The following GMDS variants were observed in gnomAD, a reference collection of about 807,000 sequenced individuals.
The protein encoded by GMDS is GDP-mannose 4,6 dehydratase.
A neutral mutation model predicts 49.9 loss-of-function variants in GMDS; 20 were observed. The ratio of observed to expected loss-of-function variants is 0.40; its 90% CI spans 0.28 to 0.58. GMDS has a LOEUF of 0.58. GMDS is among the 20% of genes least tolerant of loss of function. The pLI is 0.42. For synonymous variants in GMDS, 177 were observed against 178.6 expected (o/e 0.99, Z 0.07); for missense variants, 362 against 481.4 (o/e 0.75, Z 2.32).
intron 4 of GMDS, among the ~76,000 whole-genome samples, chr6:2,080,946 C>T (rs894293628): frequency 1.8e-4 from 28 of 152,086 alleles, no homozygotes; most frequent in African/African-American, 6.3e-4. Context: ...TACAAGATCG[C>T]AATTTCATAT....
In GMDS at chr6:2,038,097, C is replaced by T. The variant is rs564584877; in HGVS notation, c.346-77131G>A. 1.8e-4 allele frequency among the ~76,000 whole-genome samples: 27 copies of T among 152,058 alleles called. 1 individual carries two copies. Among genetic ancestry groups the T allele is most frequent in the Non-Finnish European group, 3.8e-4 (26 of 68,026 alleles). ...TGGTGAAAAAACTAGCTCACCAAAGCGCCCTTATAAATTAAAGCCTGAAGT... is the reference window on the plus strand; with the variant it reads ...TGGTGAAAAAACTAGCTCACCAAAGTGCCCTTATAAATTAAAGCCTGAAGT... On this transcript the variant is annotated intron_variant, in intron 4 of 10. Coordinates refer to ENST00000380815, the MANE Select transcript of GMDS (RefSeq NM_001500.4).
At chr6:2,147,482 A>G (rs1021838161) in intron 1 of GMDS, among the ~76,000 whole-genome samples, 1 of 152,172 alleles carries the variant, frequency 6.6e-6, no homozygotes, top group Admixed American at 6.5e-5. Flanking sequence ...ATATTTTGAT[A>G]AAATTCCAAA....
At chr6:1,821,048 T>G (rs1770865506) in intron 7 of GMDS, among the ~76,000 whole-genome samples, 1 of 152,240 alleles carries the variant, frequency 6.6e-6, no homozygotes, top group Non-Finnish European at 1.5e-5. Flanking sequence ...CACCTCATTG[T>G]GTCTTGTATA....
chr6:1,844,732 A>C (rs1757309112), intron 7 of GMDS, among the ~76,000 whole-genome samples: 1 of 152,228 alleles, frequency 6.6e-6, no homozygotes, highest in South Asian at 2.1e-4. Context: ...AGCTGCACCT[A>C]TCTAGCAACT....
At chr6:2,104,566 T>C (rs1212651421) in intron 4 of GMDS, among the ~76,000 whole-genome samples, 1 of 152,052 alleles carries the variant, frequency 6.6e-6, no homozygotes, top group Non-Finnish European at 1.5e-5. Flanking sequence ...TCTAGAGGGA[T>C]GAAGAAGGAA....
chr6:1,854,150 C>T (rs759593452), intron 7 of GMDS, among the ~76,000 whole-genome samples: 1 of 152,224 alleles, frequency 6.6e-6, no homozygotes, highest in Non-Finnish European at 1.5e-5. Flanking sequence ...TTCTGTAAAA[C>T]TGAAAACTAT....
chr6:1,873,882 C>A (rs1441426724), intron 7 of GMDS, among the ~76,000 whole-genome samples: 2 of 152,200 alleles, frequency 1.3e-5, no homozygotes, highest in Non-Finnish European at 2.9e-5. Context: ...CAGAAACCCA[C>A]CACAACTCAT....
At chr6:1,678,654 A>C (rs939419395) in intron 9 of GMDS, among the ~76,000 whole-genome samples, 2 of 152,198 alleles carry the variant, frequency 1.3e-5, no homozygotes, top group African/African-American at 4.8e-5. Flanking sequence ...GGACAGTGGC[A>C]AAAACCAGAC....
At chr6:2,221,149 A>G (rs555556748) in intron 1 of GMDS, among the ~76,000 whole-genome samples, 66 of 152,320 alleles carry the variant, frequency 4.3e-4, no homozygotes, top group African/African-American at 1.5e-3. Flanking sequence ...ACTGTACTCC[A>G]GCCTAGGCAA....
intron 1 of GMDS, among the ~76,000 whole-genome samples, chr6:2,232,766 C>T (rs1276710259): frequency 6.6e-6 from 1 of 152,160 alleles, no homozygotes; most frequent in Non-Finnish European, 1.5e-5. Context: ...AGCACCAGCG[C>T]CGGTGCAGGA....
chr6:2,057,959 G>T (rs1216263159), intron 4 of GMDS, among the ~76,000 whole-genome samples: 1 of 151,914 alleles, frequency 6.6e-6, no homozygotes. Flanking sequence ...GGGCAGCACG[G>T]GTCTAGAGGC....
At chr6:2,137,044 A>G (rs1776042924) in intron 1 of GMDS, among the ~76,000 whole-genome samples, 1 of 152,216 alleles carries the variant, frequency 6.6e-6, no homozygotes, top group African/African-American at 2.4e-5. Flanking sequence ...GATTCAAAGG[A>G]ATATTTGCAT....
intron 6 of GMDS, among the ~76,000 whole-genome samples, chr6:1,955,500 T>C (rs1021790607): frequency 9.9e-5 from 15 of 152,218 alleles, no homozygotes; most frequent in African/African-American, 3.6e-4. Flanking sequence ...TATTAATTTG[T>C]AGTAAATATT....
chr6:2,096,197 G>A (rs1032446549), intron 4 of GMDS, among the ~76,000 whole-genome samples: 1 of 152,068 alleles, frequency 6.6e-6, no homozygotes, highest in Non-Finnish European at 1.5e-5. Context: ...CAGAGTAAAA[G>A]GGTAGATCTT....
At chr6:2,210,330 T>G (rs9501817) in intron 1 of GMDS, among the ~76,000 whole-genome samples, 2 of 152,106 alleles carry the variant, frequency 1.3e-5, no homozygotes, top group Non-Finnish European at 2.9e-5. Flanking sequence ...CATAAAATAC[T>G]TAGAACACTT....
At chr6:1,865,780 C>T (rs1758413419) in intron 7 of GMDS, among the ~76,000 whole-genome samples, 1 of 152,126 alleles carries the variant, frequency 6.6e-6, no homozygotes, top group African/African-American at 2.4e-5. Context: ...TAACAGAGCC[C>T]TCATTGTTTC....
intron 7 of GMDS, among the ~76,000 whole-genome samples, chr6:1,756,950 TCC>T (rs1488527824): frequency 1.3e-5 from 2 of 151,810 alleles, no homozygotes; most frequent in African/African-American, 4.8e-5. Flanking sequence ...AAACAGACTC[TCC>T]CCCTTATGGG....
At chr6:1,904,727 C>G (rs1053065510) in intron 7 of GMDS, among the ~76,000 whole-genome samples, 3 of 152,168 alleles carry the variant, frequency 2.0e-5, no homozygotes, top group Admixed American at 1.3e-4. Context: ...CACTTAATAC[C>G]TCACTGCAGG....
intron 4 of GMDS, among the ~76,000 whole-genome samples, chr6:2,053,087 C>A (rs1406729602): frequency 6.6e-6 from 1 of 152,014 alleles, no homozygotes; most frequent in Non-Finnish European, 1.5e-5. Flanking sequence ...GAATATTTCC[C>A]AAATTGTATA....
Sources: allele counts gnomAD v4.1 joint callset (sites outside exome capture counted in the v4.1 genomes callset), GRCh38; gene constraint gnomAD v4.1.1; transcripts MANE v1.5; gene names NCBI Gene and HGNC (gene_info 2026-07-23, HGNC 2026-07-21).